Variants in NBAS observed in about 807,000 individuals in gnomAD.
NBAS encodes NBAS subunit of NRZ tethering complex, also known as NAG/BC035112 fusion.
NBAS carries 219 observed loss-of-function variants against 302.5 expected under a neutral mutation model. That is an observed-to-expected ratio of 0.72 (90% confidence interval 0.65 to 0.81). The LOEUF (loss-of-function observed/expected upper bound fraction) is 0.81, where lower values mean the gene tolerates loss of function less well. Among genes scored for constraint, NBAS ranks in the 30% least tolerant of loss-of-function variants. The probability of loss-of-function intolerance (pLI) is 0.00; values close to 1 mark genes in which losing one functional copy is unlikely to be tolerated. For synonymous variants in NBAS, 1,118 were observed against 1,021.6 expected, an observed-to-expected ratio of 1.09 and a Z score of -1.80; for missense variants, 2,932 against 2,841.6, an observed-to-expected ratio of 1.03 and a Z score of -0.72.
the NBAS span, among the ~76,000 whole-genome samples, chr2:14,867,845 C>T: frequency 6.6e-6 from 1 of 152,104 alleles, no homozygotes; most frequent in African/African-American, 2.4e-5. Context: ...GAGTAGAAAG[C>T]AAACCTTATT....
intron 21 of NBAS, 152 bp from the exon 22 acceptor site, chr2:15,427,946 C>T: frequency 1.6e-6 from 1 of 609,310 alleles, no homozygotes; most frequent in Non-Finnish European, 2.8e-6. Context: ...ATATTATATA[C>T]ATACTATATA....
In NBAS at chr2:15,203,870, CTGTGTGTGTGTGTGTGTGCTTGTG is replaced by C. The variant is rs1270444131; in HGVS notation, c.6433-13491_6433-13468del. Among the ~76,000 whole-genome samples the C allele has an allele frequency of 2.0e-3, 250 of 128,198 alleles. 3 individuals carry two copies. The highest frequency in any genetic ancestry group is 6.8e-3 in the African/African-American group (230 of 33,690). The allele number at this position is 128,198 out of a possible 152,430, so 84.1% of individuals were successfully genotyped here. A position where few individuals can be genotyped will look rare whatever the true frequency, so the allele number is the denominator to read the frequency against. On this transcript the variant is annotated intron_variant, in intron 48 of 51. Transcript: ENST00000281513. ...CATGTCTGTGTGTGTGTGTCTGTGT[CTGTGTGTGTGTGTGTGTGCTTGTG>C]TGTGTGTGTGTGTGTGTGTGTGTGT... is the stretch of plus-strand genomic sequence containing the variant.
At chr2:15,169,600 T>C (rs1047698373) in intron 51 of NBAS, among the ~76,000 whole-genome samples, 2 of 152,184 alleles carry the variant, frequency 1.3e-5, no homozygotes, top group Non-Finnish European at 2.9e-5. Flanking sequence ...TGTGATACAG[T>C]TGCTCCATGG....
the NBAS span, among the ~76,000 whole-genome samples, chr2:14,838,132 T>C: frequency 6.6e-6 from 1 of 151,940 alleles, no homozygotes; most frequent in Non-Finnish European, 1.5e-5. Context: ...CGCTCATTTA[T>C]TCTGGAAAAC....
intron 51 of NBAS, among the ~76,000 whole-genome samples, chr2:15,169,993 T>C (rs1013440676): frequency 6.6e-6 from 1 of 152,200 alleles, no homozygotes; most frequent in Non-Finnish European, 1.5e-5. Flanking sequence ...CAGGCACATG[T>C]TTGATAAGAT....
the NBAS span, among the ~76,000 whole-genome samples, chr2:14,957,281 G>A: frequency 1.5e-4 from 3 of 20,650 alleles, no homozygotes; most frequent in Admixed American, 8.7e-4. Flanking sequence ...ACATATACGT[G>A]TGTGTGTGTG....
chr2:15,145,186 T>C, the NBAS span, among the ~76,000 whole-genome samples: 79 of 152,264 alleles, frequency 5.2e-4, 1 homozygote, highest in South Asian at 3.5e-3. Flanking sequence ...CTGGTACACA[T>C]ACCAGTGACA....
chr2:15,294,516 T>C (rs1015074216), intron 40 of NBAS, among the ~76,000 whole-genome samples: 3 of 152,178 alleles, frequency 2.0e-5, no homozygotes, highest in African/African-American at 4.8e-5. Flanking sequence ...ATCCCTTTTC[T>C]ATCTGTTGGC....
At chr2:15,128,393 T>G in the NBAS span, among the ~76,000 whole-genome samples, 1 of 152,180 alleles carries the variant, frequency 6.6e-6, no homozygotes, top group Non-Finnish European at 1.5e-5. Context: ...CCAAAGCACA[T>G]CTGTTCTCCA....
At chr2:15,018,357 T>G in the NBAS span, among the ~76,000 whole-genome samples, 1 of 152,022 alleles carries the variant, frequency 6.6e-6, no homozygotes, top group Non-Finnish European at 1.5e-5. Flanking sequence ...ATTATCCTGA[T>G]CACTGTACCT....
intron 44 of NBAS, among the ~76,000 whole-genome samples, chr2:15,257,228 G>A (rs1668640585): frequency 6.6e-6 from 1 of 152,038 alleles, no homozygotes; most frequent in Non-Finnish European, 1.5e-5. Flanking sequence ...CTTGCTACTT[G>A]TTATTTGTCT....
At chr2:14,785,940 C>A in the NBAS span, among the ~76,000 whole-genome samples, 7 of 152,170 alleles carry the variant, frequency 4.6e-5, no homozygotes, top group Admixed American at 2.0e-4. Flanking sequence ...GGCTGTGAAT[C>A]CATCTGGTCC....
the NBAS span, among the ~76,000 whole-genome samples, chr2:15,159,988 A>C: frequency 6.6e-6 from 1 of 152,146 alleles, no homozygotes; most frequent in Non-Finnish European, 1.5e-5. Context: ...ATCTAGCAAT[A>C]AGATTATTGT....
intron 21 of NBAS, among the ~76,000 whole-genome samples, chr2:15,457,209 T>C (rs555550448): frequency 6.6e-6 from 1 of 152,284 alleles, no homozygotes; most frequent in Admixed American, 6.5e-5. Flanking sequence ...TGGGGAGCCA[T>C]ACACTTAAGA....
At chr2:15,440,819 AT>A (rs1301414552) in intron 21 of NBAS, among the ~76,000 whole-genome samples, 1 of 152,018 alleles carries the variant, frequency 6.6e-6, no homozygotes, top group Non-Finnish European at 1.5e-5. Flanking sequence ...AAAGGAGCTG[AT>A]GGAGCTGAAA....
the NBAS span, among the ~76,000 whole-genome samples, chr2:14,926,535 T>C: frequency 6.6e-6 from 1 of 152,156 alleles, no homozygotes; most frequent in African/African-American, 2.4e-5. Context: ...TGGTATGAAA[T>C]AGAGGATCAA....
At chr2:15,299,841 A>G (rs902711983) in intron 40 of NBAS, among the ~76,000 whole-genome samples, 4 of 152,248 alleles carry the variant, frequency 2.6e-5, no homozygotes, top group Non-Finnish European at 5.9e-5. Flanking sequence ...ACAGCCATCA[A>G]CTATCTCTGG....
chr2:15,473,637 C>G (rs141106625), intron 15 of NBAS, among the ~76,000 whole-genome samples: 1 of 152,200 alleles, frequency 6.6e-6, no homozygotes, highest in Non-Finnish European at 1.5e-5. Flanking sequence ...TAGTCCAGAG[C>G]TCCTACCACG....
intron 21 of NBAS, among the ~76,000 whole-genome samples, chr2:15,441,411 T>C (rs1678395049): frequency 6.6e-6 from 1 of 151,802 alleles, no homozygotes; most frequent in Non-Finnish European, 1.5e-5. Flanking sequence ...AAACTAAGCT[T>C]CATAAGTGAA....
Sources: allele counts gnomAD v4.1 joint callset (sites outside exome capture counted in the v4.1 genomes callset), GRCh38; gene constraint gnomAD v4.1.1; transcripts MANE v1.5; gene names NCBI Gene and HGNC (gene_info 2026-07-23, HGNC 2026-07-21).